The following ZMYM5 variants were observed in gnomAD, a reference collection of about 807,000 sequenced individuals.
The protein encoded by ZMYM5 is zinc finger MYM-type protein 5.
Under a neutral mutation model 61.8 loss-of-function variants are expected in ZMYM5, and 41 were observed. The ratio of observed to expected loss-of-function variants is 0.66; its 90% CI spans 0.52 to 0.86. ZMYM5 has a LOEUF of 0.86. Ranked by LOEUF, ZMYM5 falls within the 40% of genes least tolerant of loss-of-function variation. ZMYM5 has a pLI of 0.00. For synonymous variants in ZMYM5, 257 were observed against 276.4 expected (o/e 0.93, Z 0.70); for missense variants, 706 against 786.7 (o/e 0.90, Z 1.23).
In ZMYM5 at chr13:19,863,560, G is replaced by C. The variant is rs1217278456; in HGVS notation, c.-189C>G. ...ATAAGCGTCACCCGGTTCTGGCTGC[G>C]GCTGCGCGGAACGAACAAGCCCACC... On this transcript the variant is annotated 5_prime_UTR_variant, in exon 1 of 8. Transcript: ENST00000337963. 1 of 152,822 alleles carries C rather than the reference G, an allele frequency of 6.5e-6. No individual in the cohort carries two copies. Among genetic ancestry groups the C allele is most frequent in the African/African-American group, 2.4e-5 (1 of 41,464 alleles). 9.5% of individuals were successfully genotyped at this position (152,822 alleles called of 1,614,324 possible). A position where few individuals can be genotyped will look rare whatever the true frequency, so the allele number is the denominator to read the frequency against.
At chr13:19,859,713 TC>T (rs1953658564) in intron 2 of ZMYM5, among the ~76,000 whole-genome samples, 1 of 151,842 alleles carries the variant, frequency 6.6e-6, no homozygotes, top group South Asian at 2.1e-4. Context: ...GGCCTTTAGT[TC>T]CCAATTCTTA....
chr13:19,847,874 C>T (rs1351713208), intron 4 of ZMYM5, among the ~76,000 whole-genome samples: 7 of 141,542 alleles, frequency 4.9e-5, no homozygotes, highest in Admixed American at 7.9e-5. Flanking sequence ...AGAATGGTCT[C>T]GATCTCCTGA....
At chr13:19,825,723 C>G (rs914552723) in intron 7 of ZMYM5, among the ~76,000 whole-genome samples, 1 of 151,230 alleles carries the variant, frequency 6.6e-6, no homozygotes, top group East Asian at 2.0e-4. Flanking sequence ...CAACATACCA[C>G]TTCATATCCA....
chr13:19,828,018 C>CAAAAAAAA (rs66670324), intron 7 of ZMYM5, among the ~76,000 whole-genome samples: 1 of 65,860 alleles, frequency 1.5e-5, no homozygotes, highest in African/African-American at 5.9e-5. Context: ...GACTCCATCT[C>CAAAAAAAA]AAAAAAAAAA....
At chr13:19,836,147 A>G (rs529478953) in intron 6 of ZMYM5, among the ~76,000 whole-genome samples, 1 of 152,282 alleles carries the variant, frequency 6.6e-6, no homozygotes, top group Non-Finnish European at 1.5e-5. Flanking sequence ...TAAAAAGCAT[A>G]TTTTATTTTT....
At chr13:19,838,608 C>A (rs1952750965) in intron 5 of ZMYM5, 92 bp downstream of exon 5, 1 of 1,466,376 alleles carries the variant, frequency 6.8e-7, no homozygotes, top group Non-Finnish European at 9.3e-7. Context: ...CAATTCTACC[C>A]ATAAATCTAT....
chr13:19,825,053 A>G lies in ZMYM5; in HGVS notation c.1434T>C (p.Asp478=). The change falls in exon 8 of 8, where the codon GAT becomes GAC. Residue 478 remains aspartate (D), a synonymous_variant. Transcript: ENST00000337963. ...TCACATTCTCTTGGATCAGTAATGT[A>G]TCCGTGCCACATTCTACTGAAAGCT... ...QLQLSVECGT[D]TLLIQENVNL... The G allele has an allele frequency of 7.3e-7, 1 of 1,367,712 alleles. No individual in the cohort carries two copies. The highest frequency in any genetic ancestry group is 9.8e-7 in the Non-Finnish European group (1 of 1,021,858). 84.7% of individuals were successfully genotyped at this position (1,367,712 alleles called of 1,614,324 possible). A position where few individuals can be genotyped will look rare whatever the true frequency, so the allele number is the denominator to read the frequency against.
intron 7 of ZMYM5, among the ~76,000 whole-genome samples, chr13:19,831,787 CAAAAAAA>C (rs1190448216): frequency 5.5e-5 from 2 of 36,682 alleles, no homozygotes; most frequent in African/African-American, 2.8e-4. Context: ...GACTCTGTCT[CAAAAAAA>C]AAAAAAAAAA....
intron 2 of ZMYM5, among the ~76,000 whole-genome samples, chr13:19,856,820 A>C (rs1953530515): frequency 6.6e-6 from 1 of 151,412 alleles, no homozygotes; most frequent in Admixed American, 6.6e-5. Context: ...GAAAACAAAC[A>C]AAAAGGCCGG....
intron 4 of ZMYM5, among the ~76,000 whole-genome samples, chr13:19,842,341 G>A (rs944276014): frequency 2.0e-5 from 3 of 152,100 alleles, no homozygotes; most frequent in African/African-American, 4.8e-5. Flanking sequence ...ATCCTTGCCC[G>A]TTTTTTCTCT....
chr13:19,843,381 AAAAAAAAAAAAAAAAG>A, intron 4 of ZMYM5: 1 of 150,046 alleles, frequency 6.7e-6, no homozygotes, highest in Non-Finnish European at 1.5e-5. Context: ...AAAAAAAAAA[AAAAAAAAAAAAAAAAG>A]AATATATAGC....
At chr13:19,854,627 CAA>C (rs58132634) in intron 2 of ZMYM5, among the ~76,000 whole-genome samples, 42 of 123,858 alleles carry the variant, frequency 3.4e-4, no homozygotes, top group African/African-American at 8.2e-4. Flanking sequence ...GACTTCGTCT[CAA>C]AAAAAAAAAA....
Position 19,838,779 on chromosome 13 carries a change from G to A in ZMYM5, c.793C>T (p.His265Tyr), listed in dbSNP as rs377510406. The A allele has an allele frequency of 3.1e-6, 5 of 1,614,196 alleles. No individual in the cohort carries two copies. Among genetic ancestry groups the A allele is most frequent in the Non-Finnish European group, 8.5e-7 (1 of 1,180,036 alleles). ...QTAYQRKGSA[H>Y]LFCSTTCLSS... ...AGGCAGGTGGTAGAGCAAAAGAGGT[G>A]AGCTGATCCTTTTCGTTGATAAGCT... Residue 265 changes from histidine to tyrosine, a missense_variant, in exon 5 of 8, where the codon CAC becomes TAC. His to Tyr is a moderately conservative substitution (Grantham distance 83). This residue lies in a region of ZMYM5 where 480 missense variants were observed against 461.7 expected (regional missense o/e 1.04). Transcript: ENST00000337963.
chr13:19,863,430 A>G lies in ZMYM5; in HGVS notation c.-79+20T>C, dbSNP rs1953855843. 6.6e-6 allele frequency: 1 copy of G among 151,760 alleles called. No individual in the cohort carries two copies. Among genetic ancestry groups the G allele is most frequent in the Non-Finnish European group, 1.5e-5 (1 of 68,018 alleles). The allele number at this position is 151,760 out of a possible 1,614,324, so 9.4% of individuals were successfully genotyped here. A position where few individuals can be genotyped will look rare whatever the true frequency, so the allele number is the denominator to read the frequency against. On this transcript the variant is annotated intron_variant, in intron 1 of 7. Coordinates refer to ENST00000337963, the MANE Select transcript of ZMYM5 (RefSeq NM_001142684.2). ...GAGCCTCCGGAGGCTGCTCTCACCC[A>G]TCTCCGCCTCCCCACTCACCTCGGC...
chr13:19,844,381 C>T (rs1953002789), intron 4 of ZMYM5, among the ~76,000 whole-genome samples: 1 of 152,160 alleles, frequency 6.6e-6, no homozygotes. Context: ...TCTTTGACAC[C>T]TTCATTGCTT....
Position 19,838,782 on chromosome 13 carries a change from C to T in ZMYM5, c.790G>A (p.Ala264Thr), listed in dbSNP as rs1260557546. 6.2e-7 allele frequency: 1 copy of T among 1,614,192 alleles called. No individual in the cohort carries two copies. The highest frequency in any genetic ancestry group is 1.7e-5 in the Admixed American group (1 of 60,000). The part of the protein sequence containing the change: ...GQTAYQRKGS[A>T]HLFCSTTCLS... ...CAGGTGGTAGAGCAAAAGAGGTGAG[C>T]TGATCCTTTTCGTTGATAAGCTGTC... Residue 264 changes from alanine to threonine, a missense_variant, in exon 5 of 8, where the codon GCT becomes ACT. By Grantham distance (58) the Ala-to-Thr change is moderately conservative. Transcript: ENST00000337963.
intron 1 of ZMYM5, among the ~76,000 whole-genome samples, 179 bp from the exon 2 acceptor site, chr13:19,862,645 C>T (rs1230332593): frequency 1.3e-5 from 2 of 152,094 alleles, no homozygotes; most frequent in Admixed American, 6.5e-5. Context: ...ACCGCAACGA[C>T]GAGACAAAGC....
At chr13:19,858,962 T>C (rs542210218) in intron 2 of ZMYM5, among the ~76,000 whole-genome samples, 7 of 152,214 alleles carry the variant, frequency 4.6e-5, no homozygotes, top group African/African-American at 1.7e-4. Flanking sequence ...ATTTTTTCTT[T>C]GATAAGATAG....
chr13:19,851,474 G>A (rs188438024), intron 3 of ZMYM5, 26 bp from the exon 4 acceptor site: 60 of 1,609,394 alleles, frequency 3.7e-5, no homozygotes, highest in Middle Eastern at 1.7e-4. Context: ...TGGGGTGTAC[G>A]TTTGTATATT....
Sources: allele counts gnomAD v4.1 joint callset (sites outside exome capture counted in the v4.1 genomes callset), GRCh38; gene constraint gnomAD v4.1.1; regional missense constraint gnomAD v4.1.1; transcripts MANE v1.5; gene names NCBI Gene and HGNC (gene_info 2026-07-23, HGNC 2026-07-21).